The following AKAP10 variants were observed in gnomAD, a reference collection of about 807,000 sequenced individuals.
AKAP10 encodes the protein A-kinase anchor protein 10, mitochondrial.
AKAP10 carries 24 observed loss-of-function variants against 80.8 expected under a neutral mutation model. The ratio of observed to expected loss-of-function variants is 0.30; its 90% CI spans 0.22 to 0.42. The LOEUF (loss-of-function observed/expected upper bound fraction) is 0.42, where lower values mean the gene tolerates loss of function less well. AKAP10 is among the 10% of genes least tolerant of loss of function. AKAP10 has a pLI of 1.00. For missense variants in AKAP10, 661 were observed against 794.9 expected, an observed-to-expected ratio of 0.83 and a Z score of 2.03; for synonymous variants, 291 against 277.7, an observed-to-expected ratio of 1.05 and a Z score of -0.48.
At chr17:19,932,093 C>A in intron 9 of AKAP10, 115 bp from the exon 10 acceptor site, 2 of 964,366 alleles carry the variant, frequency 2.1e-6, no homozygotes, top group Non-Finnish European at 3.0e-6. Context: ...CTACCTATAA[C>A]AAATGTTTTT....
At chr17:19,948,908 G>C (rs1458296554) in intron 4 of AKAP10, among the ~76,000 whole-genome samples, 1 of 152,172 alleles carries the variant, frequency 6.6e-6, no homozygotes, top group Non-Finnish European at 1.5e-5. Flanking sequence ...ATGCTGCTTA[G>C]AATTTGTGGA....
chr17:19,945,744 C>T (rs1322404402), intron 5 of AKAP10, among the ~76,000 whole-genome samples: 2 of 152,152 alleles, frequency 1.3e-5, no homozygotes, highest in African/African-American at 4.8e-5. Context: ...GAGTGCAAAG[C>T]ACCCACACTA....
intron 11 of AKAP10, among the ~76,000 whole-genome samples, chr17:19,921,385 C>T (rs909609569): frequency 6.6e-6 from 1 of 151,810 alleles, no homozygotes; most frequent in Non-Finnish European, 1.5e-5. Context: ...AGGGTGGTCT[C>T]GATCTCTTGA....
intron 4 of AKAP10, among the ~76,000 whole-genome samples, chr17:19,955,632 C>T (rs1244434508): frequency 6.6e-6 from 1 of 151,990 alleles, no homozygotes; most frequent in African/African-American, 2.4e-5. Flanking sequence ...GTCAGGAGTT[C>T]AAGACCAGCC....
chr17:19,973,252 A>G (rs914437205), intron 1 of AKAP10, among the ~76,000 whole-genome samples: 6 of 152,278 alleles, frequency 3.9e-5, no homozygotes, highest in Non-Finnish European at 8.8e-5. Context: ...AGTGCTGGCC[A>G]TGCCTAAACT....
At chr17:19,911,972 C>T (rs1484698816) in intron 12 of AKAP10, among the ~76,000 whole-genome samples, 2 of 150,518 alleles carry the variant, frequency 1.3e-5, no homozygotes, top group South Asian at 4.3e-4. Context: ...ACCAATGTAT[C>T]GAAGCACAAG....
chr17:19,957,179 G>A (rs1364937151), intron 4 of AKAP10, among the ~76,000 whole-genome samples: 2 of 152,116 alleles, frequency 1.3e-5, no homozygotes, highest in Non-Finnish European at 2.9e-5. Context: ...ATGCTTCTAG[G>A]TCCACATTTA....
At chr17:19,931,400 T>C (rs192133681) in intron 10 of AKAP10, among the ~76,000 whole-genome samples, 1,958 of 151,664 alleles carry the variant, frequency 0.013, 19 homozygotes, top group Admixed American at 0.029. Context: ...CTCTTTTTTT[T>C]TTTTTTTTGA....
chr17:19,976,792 C>A (rs1597540086), intron 1 of AKAP10, among the ~76,000 whole-genome samples: 1 of 152,192 alleles, frequency 6.6e-6, no homozygotes, highest in East Asian at 1.9e-4. Context: ...GCTGGGATTA[C>A]AGGCGTGAGC....
chr17:19,957,808 C>T (rs1308945049), intron 4 of AKAP10, among the ~76,000 whole-genome samples: 1 of 146,068 alleles, frequency 6.8e-6, no homozygotes, highest in Admixed American at 6.9e-5. Context: ...TCTGATAACA[C>T]ACTTCTTAGA....
intron 4 of AKAP10, among the ~76,000 whole-genome samples, chr17:19,950,508 G>T (rs956918686): frequency 6.6e-6 from 1 of 152,206 alleles, no homozygotes; most frequent in Non-Finnish European, 1.5e-5. Context: ...ACGGGGTTTC[G>T]CTGTGTTGGC....
intron 7 of AKAP10, among the ~76,000 whole-genome samples, chr17:19,940,659 A>G (rs1203981544): frequency 1.3e-5 from 2 of 152,252 alleles, no homozygotes; most frequent in Admixed American, 1.3e-4. Context: ...TACATGCAGT[A>G]GTTTAATTAG....
chr17:19,931,754 G>A, intron 10 of AKAP10, 51 bp downstream of exon 10: 1 of 1,540,490 alleles, frequency 6.5e-7, no homozygotes. Context: ...GGATGTGAAG[G>A]AAAGGATGTG....
intron 1 of AKAP10, among the ~76,000 whole-genome samples, chr17:19,970,890 CATACAAAT>C (rs776707158): frequency 2.6e-5 from 4 of 151,930 alleles, no homozygotes; most frequent in Non-Finnish European, 5.9e-5. Flanking sequence ...ACTATGACCA[CATACAAAT>C]ACTTTTTATT....
At position 19,957,868 on chromosome 17, in the gene AKAP10, C is replaced by A. The variant is rs552613867; in HGVS notation, c.877+146G>T. The A allele has an allele frequency of 2.3e-4, 192 of 830,830 alleles. No homozygotes were observed. In the African/African-American group the frequency reaches 3.1e-3, roughly 14 times the overall value. The allele number at this position is 830,830 out of a possible 1,614,324, so 51.5% of individuals were successfully genotyped here. A position where few individuals can be genotyped will look rare whatever the true frequency, so the allele number is the denominator to read the frequency against. On this transcript the variant is annotated intron_variant, in intron 4 of 14. Transcript: ENST00000225737. Reference sequence around the variant, plus strand: ...TCCATACACTGATCTGACTCTACTACACTCTCCAAATTCTCCCAAATTTAC... The same window carrying A: ...TCCATACACTGATCTGACTCTACTAAACTCTCCAAATTCTCCCAAATTTAC...
At chr17:19,947,335 C>T in intron 5 of AKAP10, 72 bp downstream of exon 5, 1 of 1,167,782 alleles carries the variant, frequency 8.6e-7, no homozygotes, top group Admixed American at 2.1e-5. Flanking sequence ...TTATCTTAGT[C>T]AATAACGAAA....
rs116856982 is a variant in AKAP10 at position 19,957,264 on chromosome 17, G to A, written c.877+750C>T. ...CATGTGTAAATAAGATAATCAGTCCGGGCGCGGTGGCTCATGCCTGTAATC... is the reference window on the plus strand; with the variant it reads ...CATGTGTAAATAAGATAATCAGTCCAGGCGCGGTGGCTCATGCCTGTAATC... On this transcript the variant is annotated intron_variant, in intron 4 of 14. Coordinates refer to ENST00000225737, the MANE Select transcript of AKAP10 (RefSeq NM_007202.4). Among the ~76,000 whole-genome samples, 468 of 151,420 alleles carry A rather than the reference G, an allele frequency of 3.1e-3. 14 individuals are homozygous for A. In the East Asian group the frequency reaches 0.075, roughly 24 times the overall value.
chr17:19,926,392 T>C (rs549744495), intron 10 of AKAP10, among the ~76,000 whole-genome samples: 58 of 152,178 alleles, frequency 3.8e-4, no homozygotes, highest in Non-Finnish European at 6.9e-4. Context: ...AACTGAAAGC[T>C]TTCCCTGTCA....
intron 5 of AKAP10, among the ~76,000 whole-genome samples, chr17:19,942,506 C>T (rs1486997580): frequency 6.6e-6 from 1 of 152,098 alleles, no homozygotes; most frequent in African/African-American, 2.4e-5. Flanking sequence ...GGCAATTTGG[C>T]AGTTTCTAGC....
Sources: allele counts gnomAD v4.1 joint callset (sites outside exome capture counted in the v4.1 genomes callset), GRCh38; gene constraint gnomAD v4.1.1; transcripts MANE v1.5; gene names NCBI Gene and HGNC (gene_info 2026-07-23, HGNC 2026-07-21).